The following ADGRE2 variants were observed in gnomAD, a reference collection of about 807,000 sequenced individuals.
ADGRE2 encodes CD97 antigen.
A neutral mutation model predicts 100.8 loss-of-function variants in ADGRE2; 83 were observed. The observed-to-expected ratio is 0.82, with a 90% CI of 0.69 to 0.99. The LOEUF is 0.99. ADGRE2 is among the 50% of genes least tolerant of loss of function. The pLI is 0.00. For synonymous variants in ADGRE2, 355 were observed against 413.0 expected, an observed-to-expected ratio of 0.86 and a Z score of 1.70; for missense variants, 814 against 1,035.7, an observed-to-expected ratio of 0.79 and a Z score of 2.94.
At chr19:14,768,032 G>T (rs1031391106) in intron 5 of ADGRE2, among the ~76,000 whole-genome samples, 3 of 152,194 alleles carry the variant, frequency 2.0e-5, no homozygotes, top group Non-Finnish European at 4.4e-5. Flanking sequence ...AGTTTATTTG[G>T]CTCATGGTTC....
chr19:14,736,760 A>G (rs1381763918), intron 20 of ADGRE2, among the ~76,000 whole-genome samples: 1 of 145,590 alleles, frequency 6.9e-6, no homozygotes, highest in African/African-American at 2.5e-5. Context: ...AAATATATAG[A>G]TATTTAGAAA....
At chr19:14,770,115 TC>T (rs1449510105) in intron 5 of ADGRE2, among the ~76,000 whole-genome samples, 1 of 152,050 alleles carries the variant, frequency 6.6e-6, no homozygotes, top group East Asian at 1.9e-4. Context: ...TGAAATGTGA[TC>T]CCCAGTGTTG....
chr19:14,772,376 T>G lies in ADGRE2; in HGVS notation c.321A>C (p.Lys107Asn). 2 of 1,613,994 alleles carry G rather than the reference T, an allele frequency of 1.2e-6. No homozygotes were observed. Among genetic ancestry groups the G allele is most frequent in the Non-Finnish European group, 1.7e-6 (2 of 1,179,998 alleles). The change falls in exon 5 of 21, where the codon AAA (lysine) becomes AAC (asparagine). Residue 107 changes from lysine to asparagine, a missense_variant. By Grantham distance (94) the Lys-to-Asn change is moderately conservative. This residue lies in a region of ADGRE2 where 143 missense variants were observed against 160.3 expected (regional missense o/e 0.89). Transcript: ENST00000315576. The stretch of plus-strand genomic sequence containing the variant: ...TGTTCTCGCTCTCATTCTTGAATGT[T>G]TTTGCCCCAGAAACAGGCTCATATC... ...SPGYEPVSGA[K>N]TFKNESENTC...
intron 18 of ADGRE2, among the ~76,000 whole-genome samples, chr19:14,744,061 G>A (rs2043010312): frequency 1.3e-5 from 2 of 152,186 alleles, no homozygotes; most frequent in South Asian, 2.1e-4. Flanking sequence ...CCAACATGGT[G>A]AAACCTGGTC....
chr19:14,776,409 G>T, intron 2 of ADGRE2: 1 of 331,198 alleles, frequency 3.0e-6, no homozygotes. Flanking sequence ...CTCACTTTTT[G>T]CCCCTTTCCT....
At position 14,736,253 on chromosome 19, in the gene ADGRE2, T is replaced by C. The variant is rs367801297; in HGVS notation, c.2464-9A>G. ...AGATTTTTCTAGTTAACCTGAAATATATATATATGTATGTATTTTGTTGTT... is the reference window on the plus strand; with the variant it reads ...AGATTTTTCTAGTTAACCTGAAATACATATATATGTATGTATTTTGTTGTT... On this transcript the variant is annotated splice_polypyrimidine_tract_variant and intron_variant, in intron 20 of 20. Transcript: ENST00000315576. 2 of 1,512,462 alleles carry C rather than the reference T, an allele frequency of 1.3e-6. No individual in the cohort carries two copies. Among genetic ancestry groups the C allele is most frequent in the African/African-American group, 2.7e-5 (2 of 72,950 alleles). 93.7% of individuals were successfully genotyped at this position (1,512,462 alleles called of 1,614,324 possible).
rs371292166 is a variant in ADGRE2 at position 14,773,943 on chromosome 19, C to T, written c.194G>A (p.Cys65Tyr). 3 of 1,614,150 alleles carry T rather than the reference C, an allele frequency of 1.9e-6. No homozygotes were observed. The highest frequency in any genetic ancestry group is 4.5e-5 in the East Asian group (2 of 44,882). Reference sequence around the variant, plus strand: ...CTGCCCTCAAGCCTCTGTACCGTCACAAGTCTCCATGGGGGTGGTGATGAT... The same window carrying T: ...CTGCCCTCAAGCCTCTGTACCGTCATAAGTCTCCATGGGGGTGGTGATGAT... Reference protein sequence around the residue: ...SEIITTPMETCDDINECATLS... With the variant: ...SEIITTPMETYDDINECATLS... Residue 65 changes from cysteine (C) to tyrosine (Y), a missense_variant, in exon 4 of 21, where the codon TGT becomes TAT. This residue lies in a region of ADGRE2 where 143 missense variants were observed against 160.3 expected (regional missense o/e 0.89). Coordinates refer to ENST00000315576, the MANE Select transcript of ADGRE2 (RefSeq NM_013447.4).
At chr19:14,751,383 C>A in intron 16 of ADGRE2, 53 bp downstream of exon 16, 1 of 1,363,284 alleles carries the variant, frequency 7.3e-7, no homozygotes, top group Non-Finnish European at 1.0e-6. Context: ...TAGGTTCTAG[C>A]AATGGCCATG....
chr19:14,759,750 C>A (rs1004900909), intron 11 of ADGRE2, among the ~76,000 whole-genome samples: 1 of 151,586 alleles, frequency 6.6e-6, no homozygotes, highest in African/African-American at 2.4e-5. Flanking sequence ...CTGCCTTGAC[C>A]TCCCAAAGTG....
intron 5 of ADGRE2, 172 bp downstream of exon 5, chr19:14,772,170 C>A (rs2044234495): frequency 7.6e-6 from 7 of 922,848 alleles, no homozygotes; most frequent in Non-Finnish European, 1.1e-5. Flanking sequence ...TTGGCCTTCA[C>A]ACCACGCTGC....
At chr19:14,738,969 C>CTTTTTTTTTTTTTTT (rs68029679) in intron 20 of ADGRE2, among the ~76,000 whole-genome samples, 2 of 104,910 alleles carry the variant, frequency 1.9e-5, no homozygotes, top group Non-Finnish European at 2.1e-5. Flanking sequence ...CTTTTCTTTT[C>CTTTTTTTTTTTTTTT]TTTTTTTTTT....
Position 14,736,228 on chromosome 19 carries a change from A to C in ADGRE2, c.*8T>G. 6.3e-7 allele frequency: 1 copy of C among 1,582,850 alleles called. No homozygotes were observed. Among genetic ancestry groups the C allele is most frequent in the Non-Finnish European group, 8.7e-7 (1 of 1,152,530 alleles). ...GCAAAGAGGGAAGATCTTATTCAGA[A>C]GATTTTTCTAGTTAACCTGAAATAT... On this transcript the variant is annotated 3_prime_UTR_variant, in exon 21 of 21. Transcript: ENST00000315576.
In ADGRE2 at chr19:14,772,364, A is replaced by G. The variant is rs768791288; in HGVS notation, c.333T>C (p.Asn111=). The G allele has an allele frequency of 5.6e-6, 9 of 1,614,044 alleles. No individual in the cohort carries two copies. The highest frequency in any genetic ancestry group is 6.8e-6 in the Non-Finnish European group (8 of 1,180,028). Residue 111 remains asparagine (N), a synonymous_variant, in exon 5 of 21, where the codon AAT becomes AAC. Coordinates refer to ENST00000315576, the MANE Select transcript of ADGRE2 (RefSeq NM_013447.4). ...TACCTTGACACGTGTTCTCGCTCTC[A>G]TTCTTGAATGTTTTTGCCCCAGAAA... ...EPVSGAKTFK[N]ESENTCQDVD...
At chr19:14,738,141 T>C (rs2057734) in intron 20 of ADGRE2, among the ~76,000 whole-genome samples, 32,910 of 152,100 alleles carry the variant, frequency 0.22, 3,868 homozygotes, top group Non-Finnish European at 0.26. Flanking sequence ...TTTGCTTATA[T>C]GAGTGTAGCA....
At position 14,766,342 on chromosome 19, in the gene ADGRE2, C is replaced by G. The variant is rs2043976331; in HGVS notation, c.527G>C (p.Ser176Thr). Residue 176 changes from serine to threonine, a missense_variant, in exon 7 of 21, where the codon AGC (serine) becomes ACC (threonine). Coordinates refer to ENST00000315576, the MANE Select transcript of ADGRE2 (RefSeq NM_013447.4). ...ECTSGQNPCH[S>T]STHCLNNVGS... Reference sequence around the variant, plus strand: ...CACGTTGTTGAGGCAGTGGGTGGAGCTGTGGCATGGGTTTTGTCCGGAGGT... The same window carrying G: ...CACGTTGTTGAGGCAGTGGGTGGAGGTGTGGCATGGGTTTTGTCCGGAGGT... 6.2e-7 allele frequency: 1 copy of G among 1,613,974 alleles called. No individual in the cohort carries two copies. Among genetic ancestry groups the G allele is most frequent in the South Asian group, 1.1e-5 (1 of 91,088 alleles).
At chr19:14,764,980 A>G (rs1419222535) in intron 10 of ADGRE2, among the ~76,000 whole-genome samples, 2 of 152,124 alleles carry the variant, frequency 1.3e-5, no homozygotes, top group African/African-American at 4.8e-5. Flanking sequence ...TCGGGCCACT[A>G]AACTCTGGAC....
Position 14,764,518 on chromosome 19 carries a change from C to T in ADGRE2, c.999G>A (p.Leu333=). Residue 333 remains leucine (L), a synonymous_variant, in exon 11 of 21, where the codon CTG becomes CTA. Coordinates refer to ENST00000315576, the MANE Select transcript of ADGRE2 (RefSeq NM_013447.4). ...TGAGGACATCCTCTAGGCCATCCAG[C>T]AGGTGACTGGCCACACAGTGCTGCT... is the stretch of plus-strand genomic sequence containing the variant. The part of the protein sequence containing the change: ...RLQQHCVASH[L]LDGLEDVLRG... 1 of 1,613,138 alleles carries T rather than the reference C, an allele frequency of 6.2e-7. No individual in the cohort carries two copies. Among genetic ancestry groups the T allele is most frequent in the South Asian group, 1.1e-5 (1 of 91,084 alleles).
chr19:14,754,457 ATC>A (rs2043415030), intron 14 of ADGRE2, among the ~76,000 whole-genome samples: 6 of 145,924 alleles, frequency 4.1e-5, no homozygotes, highest in African/African-American at 1.6e-4. Context: ...CTATCTATCT[ATC>A]TATCTATCTA....
At chr19:14,757,305 TG>T (rs1238957146) in intron 11 of ADGRE2, among the ~76,000 whole-genome samples, 6 of 152,218 alleles carry the variant, frequency 3.9e-5, no homozygotes, top group Non-Finnish European at 7.4e-5. Context: ...TCCCCCAAAG[TG>T]GTCTAGAGAC....
Sources: allele counts gnomAD v4.1 joint callset (sites outside exome capture counted in the v4.1 genomes callset), GRCh38; gene constraint gnomAD v4.1.1; regional missense constraint gnomAD v4.1.1; transcripts MANE v1.5; gene names NCBI Gene and HGNC (gene_info 2026-07-23, HGNC 2026-07-21).